HOXC11: variants seen among roughly 807,000 people sequenced by gnomAD.
HOXC11 encodes the protein homeobox protein Hox-C11.
HOXC11 carries 17 observed loss-of-function variants against 23.6 expected under a neutral mutation model. The ratio of observed to expected loss-of-function variants is 0.72; its 90% CI spans 0.49 to 1.08. HOXC11 has a LOEUF of 1.08. Among genes scored for constraint, HOXC11 ranks in the 50% least tolerant of loss-of-function variants. HOXC11 has a pLI of 0.00. For missense variants in HOXC11, 413 were observed against 412.1 expected (o/e 1.00, Z -0.02); for synonymous variants, 196 against 183.8 (o/e 1.07, Z -0.54).
rs1370127753 is a variant in HOXC11 at position 53,976,559 on chromosome 12, G to A, written c.*1146G>A. On this transcript the variant is annotated 3_prime_UTR_variant, in exon 2 of 2. Transcript: ENST00000546378. ...CAGGCAGGCAGAGGTGAGATAGGCC[G>A]GTGCTAGCCGGCCTGGAGCTCCTCT... The A allele has an allele frequency of 5.9e-6, 1 of 169,212 alleles. No homozygotes were observed. The highest frequency in any genetic ancestry group is 2.4e-5 in the African/African-American group (1 of 41,898). The allele number at this position is 169,212 out of a possible 1,614,324, so 10.5% of individuals were successfully genotyped here.
rs754222686 is a variant in HOXC11, at chr12:53,973,736, G to A, written c.495G>A (p.Pro165=). The change falls in exon 1 of 2, where the codon CCG becomes CCA. Residue 165 remains proline (P), a synonymous_variant. Transcript: ENST00000546378. This position sits in a 1 kb window ranked among gnomAD's most constrained non-coding sequence, Gnocchi z 4.3. ...ACGCCTACTGCGGTGGCGGCGACCC[G>A]CCCGCCGAGCCCCCCTGCTCCGGCA... ...FDNAYCGGGD[P]PAEPPCSGKG... is the part of the protein sequence containing the mutation. 13 of 1,612,468 alleles carry A rather than the reference G, an allele frequency of 8.1e-6. No homozygotes were observed. Among genetic ancestry groups the A allele is most frequent in the South Asian group, 1.1e-5 (1 of 91,070 alleles).
intron 1 of HOXC11, 186 bp from the exon 2 acceptor site, chr12:53,974,995 T>C: frequency 1.7e-6 from 1 of 584,486 alleles, no homozygotes; most frequent in Non-Finnish European, 3.0e-6. Context: ...GGGGACCCGC[T>C]AGACCTGGCA....
chr12:53,975,108 G>C (rs1054246004), intron 1 of HOXC11, 73 bp from the exon 2 acceptor site: 3 of 702,192 alleles, frequency 4.3e-6, no homozygotes, highest in African/African-American at 1.8e-5. Context: ...AGCGCTCAGC[G>C]GGCTGGGGTC....
chr12:53,973,199 C>G lies in HOXC11; in HGVS notation c.-43C>G, dbSNP rs1035995876. 1 of 1,493,980 alleles carries G rather than the reference C, an allele frequency of 6.7e-7. No individual in the cohort carries two copies. Among genetic ancestry groups the G allele is most frequent in the Non-Finnish European group, 8.9e-7 (1 of 1,119,102 alleles). The allele number at this position is 1,493,980 out of a possible 1,614,324, so 92.5% of individuals were successfully genotyped here. On this transcript the variant is annotated 5_prime_UTR_variant, in exon 1 of 2. Transcript: ENST00000546378. The surrounding 1 kb of genome is among the most constrained non-coding windows in gnomAD (Gnocchi z 4.3). Reference sequence around the variant, plus strand: ...CCCAAATTTTCCCCCCTCGCTAGACCGGGTCCAAAACCTCCATCCGGAGCC... The same window carrying G: ...CCCAAATTTTCCCCCCTCGCTAGACGGGGTCCAAAACCTCCATCCGGAGCC...
Position 53,973,634 on chromosome 12 carries a change from C to A in HOXC11, c.393C>A (p.His131Gln). The A allele has an allele frequency of 6.2e-7, 1 of 1,613,770 alleles. No individual in the cohort carries two copies. Among genetic ancestry groups the A allele is most frequent in the Non-Finnish European group, 8.5e-7 (1 of 1,180,042 alleles). The change falls in exon 1 of 2, where the codon CAC becomes CAA. Residue 131 changes from histidine (H) to glutamine (Q), a missense_variant. His to Gln is a conservative substitution (Grantham distance 24, BLOSUM62 0). Coordinates refer to ENST00000546378, the MANE Select transcript of HOXC11 (RefSeq NM_014212.4). The surrounding 1 kb of genome is among the most constrained non-coding windows in gnomAD (Gnocchi z 4.3). ...YGGHHHPSAP[H>Q]ATPAGFYSSV... The stretch of plus-strand genomic sequence containing the variant: ...GCCACCACCACCCCAGCGCCCCGCA[C>A]GCAACCCCCGCCGGCTTCTACTCCT...
At position 53,975,363 on chromosome 12, in the gene HOXC11, A is replaced by C; in HGVS notation, c.865A>C (p.Lys289Gln). ...WFQNRRMKEKKLSRDRLQYFS... is the reference protein window; with the variant it reads ...WFQNRRMKEKQLSRDRLQYFS... ...TCAGAACAGAAGGATGAAAGAAAAGAAACTGAGCAGAGACCGGCTGCAGTA... is the reference window on the plus strand; with the variant it reads ...TCAGAACAGAAGGATGAAAGAAAAGCAACTGAGCAGAGACCGGCTGCAGTA... The change falls in exon 2 of 2, where the codon AAA becomes CAA. Residue 289 changes from lysine to glutamine, a missense_variant. Lys to Gln is a moderately conservative substitution (Grantham distance 53, BLOSUM62 1). Coordinates refer to ENST00000546378, the MANE Select transcript of HOXC11 (RefSeq NM_014212.4). 2 of 1,613,858 alleles carry C rather than the reference A, an allele frequency of 1.2e-6. No homozygotes were observed. Among genetic ancestry groups the C allele is most frequent in the Non-Finnish European group, 1.7e-6 (2 of 1,179,950 alleles).
Position 53,973,966 on chromosome 12 carries a change from G to C in HOXC11, c.682+43G>C. 1 of 1,420,664 alleles carries C rather than the reference G, an allele frequency of 7.0e-7. No homozygotes were observed. The highest frequency in any genetic ancestry group is 9.2e-7 in the Non-Finnish European group (1 of 1,082,980). The allele number at this position is 1,420,664 out of a possible 1,614,324, so 88.0% of individuals were successfully genotyped here. A position where few individuals can be genotyped will look rare whatever the true frequency, so the allele number is the denominator to read the frequency against. On this transcript the variant is annotated intron_variant, in intron 1 of 1. Coordinates refer to ENST00000546378, the MANE Select transcript of HOXC11 (RefSeq NM_014212.4). The surrounding 1 kb of genome is among the most constrained non-coding windows in gnomAD (Gnocchi z 4.3). ...GGGAACGGGCGGGCAGCGAGGGAGG[G>C]AGCGAGAGAGGGAGGGCGAGAGAAG... is the stretch of plus-strand genomic sequence containing the variant.
Position 53,975,276 on chromosome 12 carries a change from G to C in HOXC11, c.778G>C (p.Glu260Gln). Reference sequence around the variant, plus strand: ...TTTCTTCAACGTGTATATCAACAAAGAGAAGCGGCTGCAGCTGTCCCGGAT... The same window carrying C: ...TTTCTTCAACGTGTATATCAACAAACAGAAGCGGCTGCAGCTGTCCCGGAT... Reference protein sequence around the residue: ...EFFFNVYINKEKRLQLSRMLN... With the variant: ...EFFFNVYINKQKRLQLSRMLN... Residue 260 changes from glutamate to glutamine, a missense_variant, in exon 2 of 2, where the codon GAG becomes CAG. Transcript: ENST00000546378. The C allele has an allele frequency of 6.2e-7, 1 of 1,613,594 alleles. No individual in the cohort carries two copies. Among genetic ancestry groups the C allele is most frequent in the Non-Finnish European group, 8.5e-7 (1 of 1,179,886 alleles).
rs1939177049 is a variant in HOXC11, at chr12:53,973,142, A to C, written c.-100A>C. 3 of 854,304 alleles carry C rather than the reference A, an allele frequency of 3.5e-6. No homozygotes were observed. The highest frequency in any genetic ancestry group is 1.8e-5 in the South Asian group (1 of 56,996). 52.9% of individuals were successfully genotyped at this position (854,304 alleles called of 1,614,324 possible). On this transcript the variant is annotated 5_prime_UTR_variant, in exon 1 of 2. Transcript: ENST00000546378. This position sits in a 1 kb window ranked among gnomAD's most constrained non-coding sequence, Gnocchi z 4.3. ...TTGGATCACGTGCTCAGAGAGAGAG[A>C]GACTAAGACGGATAACGCGTCATCT...
Position 53,975,664 on chromosome 12 carries a change from C to T in HOXC11, c.*251C>T, listed in dbSNP as rs1182299379. ...TGTCTGATGCACGGCGAGTGAACAC[C>T]GTTGGCGCCGAGGCCAAGACTTTGA... On this transcript the variant is annotated 3_prime_UTR_variant, in exon 2 of 2. Transcript: ENST00000546378. 12 of 587,550 alleles carry T rather than the reference C, an allele frequency of 2.0e-5. No homozygotes were observed. The East Asian group carries it at 2.9e-4, about 14-fold the overall frequency. 36.4% of individuals were successfully genotyped at this position (587,550 alleles called of 1,614,324 possible). A position where few individuals can be genotyped will look rare whatever the true frequency, so the allele number is the denominator to read the frequency against.
At chr12:53,974,022 G>A in intron 1 of HOXC11, 99 bp downstream of exon 1, 1 of 1,024,620 alleles carries the variant, frequency 9.8e-7, no homozygotes. Flanking sequence ...GGACGGCCTC[G>A]TGTTTTGGGT....
At position 53,973,647 on chromosome 12, in the gene HOXC11, G is replaced by T. The variant is rs149946964; in HGVS notation, c.406G>T (p.Gly136Cys). The stretch of plus-strand genomic sequence containing the variant: ...CAGCGCCCCGCACGCAACCCCCGCC[G>T]GCTTCTACTCCTCAGTCAACAAGAA... ...HPSAPHATPA[G>C]FYSSVNKNSV... Residue 136 changes from glycine to cysteine, a missense_variant, in exon 1 of 2, where the codon GGC (glycine) becomes TGC (cysteine). Coordinates refer to ENST00000546378, the MANE Select transcript of HOXC11 (RefSeq NM_014212.4). This position sits in a 1 kb window ranked among gnomAD's most constrained non-coding sequence, Gnocchi z 4.3. 686 of 1,613,520 alleles carry T rather than the reference G, an allele frequency of 4.3e-4. No homozygotes were observed. Among genetic ancestry groups the T allele is most frequent in the Non-Finnish European group, 5.5e-4 (645 of 1,179,992 alleles).
rs1232612816 is a variant in HOXC11, at chr12:53,973,658, C to T, written c.417C>T (p.Ser139=). 2 of 1,613,806 alleles carry T rather than the reference C, an allele frequency of 1.2e-6. No homozygotes were observed. Among genetic ancestry groups the T allele is most frequent in the Non-Finnish European group, 1.7e-6 (2 of 1,180,036 alleles). The change falls in exon 1 of 2, where the codon TCC becomes TCT. Residue 139 remains serine, a synonymous_variant. Coordinates refer to ENST00000546378, the MANE Select transcript of HOXC11 (RefSeq NM_014212.4). This position sits in a 1 kb window ranked among gnomAD's most constrained non-coding sequence, Gnocchi z 4.3. The part of the protein sequence containing the change: ...APHATPAGFY[S]SVNKNSVLPQ... ...ACGCAACCCCCGCCGGCTTCTACTC[C>T]TCAGTCAACAAGAACAGCGTCCTGC...
intron 1 of HOXC11, among the ~76,000 whole-genome samples, chr12:53,974,263 G>C (rs1201726077): frequency 6.6e-6 from 1 of 150,686 alleles, no homozygotes. Flanking sequence ...CGTGAACTTA[G>C]AGGAGCATTT....
In HOXC11 at chr12:53,976,125, C is replaced by CACTT; in HGVS notation, c.*712_*713insACTT. The CACTT allele has an allele frequency of 2.7e-5, 4 of 146,580 alleles. No individual in the cohort carries two copies. The highest frequency in any genetic ancestry group is 7.4e-5 in the East Asian group (1 of 13,520). 9.1% of individuals were successfully genotyped at this position (146,580 alleles called of 1,614,324 possible). On this transcript the variant is annotated 3_prime_UTR_variant, in exon 2 of 2. Transcript: ENST00000546378. The stretch of plus-strand genomic sequence containing the variant: ...TAGCTATAGTCTATGCAGTCGTTAC[C>CACTT]TCTTTTTTTTTTTTTTTTAAGAAAA...
In HOXC11 at chr12:53,977,210, C is replaced by T. The variant is rs1174798602; in HGVS notation, c.*1797C>T. 1.3e-5 allele frequency: 2 copies of T among 152,170 alleles called. No homozygotes were observed. Among genetic ancestry groups the T allele is most frequent in the Non-Finnish European group, 2.9e-5 (2 of 68,024 alleles). The allele number at this position is 152,170 out of a possible 1,614,324, so 9.4% of individuals were successfully genotyped here. ...TCTTCTGTATAAAGATAATCATGGC[C>T]CTTGCAGTGCTTTCAGTGAGGGCAC... On this transcript the variant is annotated 3_prime_UTR_variant, in exon 2 of 2. Coordinates refer to ENST00000546378, the MANE Select transcript of HOXC11 (RefSeq NM_014212.4).
Position 53,973,166 on chromosome 12 carries a change from C to T in HOXC11, c.-76C>T, listed in dbSNP as rs1470627678. The T allele has an allele frequency of 1.7e-6, 2 of 1,155,224 alleles. No individual in the cohort carries two copies. Among genetic ancestry groups the T allele is most frequent in the African/African-American group, 3.1e-5 (2 of 64,730 alleles). The allele number at this position is 1,155,224 out of a possible 1,614,324, so 71.6% of individuals were successfully genotyped here. ...GAGACTAAGACGGATAACGCGTCAT[C>T]TCGCCTTCCCAAATTTTCCCCCCTC... On this transcript the variant is annotated 5_prime_UTR_variant, in exon 1 of 2. Transcript: ENST00000546378. The surrounding 1 kb of genome is among the most constrained non-coding windows in gnomAD (Gnocchi z 4.3).
Position 53,976,119 on chromosome 12 carries a change from C to G in HOXC11, c.*706C>G, listed in dbSNP as rs1235990479. 1.0e-5 allele frequency: 2 copies of G among 195,022 alleles called. No individual in the cohort carries two copies. The highest frequency in any genetic ancestry group is 1.9e-5 in the Non-Finnish European group (2 of 104,522). The allele number at this position is 195,022 out of a possible 1,614,324, so 12.1% of individuals were successfully genotyped here. ...GATTTATAGCTATAGTCTATGCAGT[C>G]GTTACCTCTTTTTTTTTTTTTTTTA... is the stretch of plus-strand genomic sequence containing the variant. On this transcript the variant is annotated 3_prime_UTR_variant, in exon 2 of 2. Transcript: ENST00000546378.
Position 53,973,815 on chromosome 12 carries a change from C to T in HOXC11, c.574C>T (p.Arg192Trp), listed in dbSNP as rs556993752. ...EAPPASGLAS[R>W]AEAGAEAEAE... Reference sequence around the variant, plus strand: ...ACCCCCGGCCTCGGGACTGGCGTCCCGGGCTGAGGCGGGTGCCGAGGCGGA... The same window carrying T: ...ACCCCCGGCCTCGGGACTGGCGTCCTGGGCTGAGGCGGGTGCCGAGGCGGA... The change falls in exon 1 of 2, where the codon CGG becomes TGG. Residue 192 changes from arginine (R) to tryptophan (W), a missense_variant. Transcript: ENST00000546378. This position sits in a 1 kb window ranked among gnomAD's most constrained non-coding sequence, Gnocchi z 4.3. 2.6e-6 allele frequency: 4 copies of T among 1,539,856 alleles called. No homozygotes were observed. The highest frequency in any genetic ancestry group is 2.4e-5 in the South Asian group (2 of 81,640).
Sources: allele counts gnomAD v4.1 joint callset (sites outside exome capture counted in the v4.1 genomes callset), GRCh38; gene constraint gnomAD v4.1.1; non-coding constraint Gnocchi (gnomAD v3.1); transcripts MANE v1.5; gene names NCBI Gene and HGNC (gene_info 2026-07-23, HGNC 2026-07-21).